SLC25A48: variants seen among roughly 807,000 people sequenced by gnomAD.
SLC25A48 encodes solute carrier family 25 member 48.
A neutral mutation model predicts 32.2 loss-of-function variants in SLC25A48; 29 were observed. The ratio of observed to expected loss-of-function variants is 0.90; its 90% confidence interval spans 0.67 to 1.23. The LOEUF (loss-of-function observed/expected upper bound fraction) is 1.23. SLC25A48 is among the 50% of genes most tolerant of loss of function. SLC25A48 has a pLI of 0.00. For missense variants in SLC25A48, 399 were observed against 422.7 expected, an observed-to-expected ratio of 0.94 and a Z score of 0.49; for synonymous variants, 164 against 172.3, an observed-to-expected ratio of 0.95 and a Z score of 0.38.
intron 7 of SLC25A48, among the ~76,000 whole-genome samples, chr5:135,884,984 C>T (rs1456867213): frequency 1.3e-5 from 2 of 152,128 alleles, no homozygotes; most frequent in African/African-American, 4.8e-5. Flanking sequence ...AACTGAGGCT[C>T]CAACATACCT....
At chr5:135,775,209 A>T (rs1340485727) in intron 3 of SLC25A48, among the ~76,000 whole-genome samples, 1 of 151,830 alleles carries the variant, frequency 6.6e-6, no homozygotes, top group Non-Finnish European at 1.5e-5. Context: ...CCCTCTTGTG[A>T]TATTGTTTCT....
At chr5:135,591,023 C>G (rs953853505) in intron 1 of SLC25A48, among the ~76,000 whole-genome samples, 3 of 152,370 alleles carry the variant, frequency 2.0e-5, no homozygotes, top group South Asian at 2.1e-4. Flanking sequence ...CATCCTGCCT[C>G]TCAGTGCTGC....
intron 3 of SLC25A48, among the ~76,000 whole-genome samples, chr5:135,755,565 G>A (rs187290296): frequency 2.4e-4 from 36 of 151,322 alleles, no homozygotes; most frequent in South Asian, 1.3e-3. Flanking sequence ...ACACTATGGT[G>A]TTAATGAAAT....
chr5:135,629,244 G>T lies in SLC25A48; in HGVS notation c.-841G>T, dbSNP rs1752505544. 1 of 152,092 alleles carries T rather than the reference G, an allele frequency of 6.6e-6. No individual in the cohort carries two copies. Among genetic ancestry groups the T allele is most frequent in the South Asian group, 2.1e-4 (1 of 4,824 alleles). The allele number at this position is 152,092 out of a possible 1,614,324, so 9.4% of individuals were successfully genotyped here. A position where few individuals can be genotyped will look rare whatever the true frequency, so the allele number is the denominator to read the frequency against. ...TTTCTTTTTCTTTTTTAGCAGCCCA[G>T]CTTAAAGAAAGAAAGGAGGAAAAAA... is the stretch of plus-strand genomic sequence containing the variant. On this transcript the variant is annotated 5_prime_UTR_variant, in exon 2 of 11. Transcript: ENST00000646290. This position sits in a 1 kb window ranked among gnomAD's most constrained non-coding sequence, Gnocchi z 4.8.
intron 7 of SLC25A48, among the ~76,000 whole-genome samples, chr5:135,881,077 C>T (rs183436438): frequency 1.1e-4 from 17 of 152,348 alleles, no homozygotes; most frequent in Admixed American, 3.9e-4. Flanking sequence ...GCAGTGTCAT[C>T]GGATGGGTGG....
intron 5 of SLC25A48, 87 bp downstream of exon 5, chr5:135,871,805 G>A (rs1271381547): frequency 6.3e-7 from 1 of 1,580,246 alleles, no homozygotes; most frequent in Non-Finnish European, 8.6e-7. Flanking sequence ...TCTCAGCCCA[G>A]GGGGAGGGCA....
chr5:135,779,801 G>T (rs1756675933), intron 3 of SLC25A48, among the ~76,000 whole-genome samples: 1 of 116,166 alleles, frequency 8.6e-6, no homozygotes, highest in African/African-American at 2.6e-5. Flanking sequence ...GGATAATATT[G>T]ATCTCAATAT....
chr5:135,870,147 C>G (rs1761521707), intron 4 of SLC25A48, among the ~76,000 whole-genome samples: 2 of 152,190 alleles, frequency 1.3e-5, no homozygotes, highest in Admixed American at 1.3e-4. Flanking sequence ...AAGCTGTCTG[C>G]CTGTTTACCA....
chr5:135,847,346 C>T (rs1262584305), intron 2 of SLC25A48, among the ~76,000 whole-genome samples: 1 of 152,074 alleles, frequency 6.6e-6, no homozygotes, highest in Admixed American at 6.5e-5. Context: ...GGAGTAGCAG[C>T]CTCTGGGGTC....
Position 135,841,434 on chromosome 5 carries a change from C to G in SLC25A48, c.47-982C>G, listed in dbSNP as rs1207503494. On this transcript the variant is annotated intron_variant, in intron 1 of 7. Coordinates refer to ENST00000681962, the MANE Select transcript of SLC25A48 (RefSeq NM_001349336.2). Reference sequence around the variant, plus strand: ...TGTGTAGGGGAGTTAGAGATAAACTCCAACCCCCTGTTTAGCTCCTACTGG... The same window carrying G: ...TGTGTAGGGGAGTTAGAGATAAACTGCAACCCCCTGTTTAGCTCCTACTGG... Among the ~76,000 whole-genome samples, 4 of 152,046 alleles carry G rather than the reference C, an allele frequency of 2.6e-5. No homozygotes were observed. The East Asian group carries it at 5.8e-4, about 22-fold the overall frequency.
At chr5:135,811,033 C>A (rs1409264098) in intron 3 of SLC25A48, among the ~76,000 whole-genome samples, 1 of 152,258 alleles carries the variant, frequency 6.6e-6, no homozygotes, top group East Asian at 1.9e-4. Context: ...TAGGGGAACT[C>A]GGGACTTCTT....
intron 3 of SLC25A48, among the ~76,000 whole-genome samples, chr5:135,770,187 C>A (rs1756368789): frequency 6.6e-6 from 1 of 151,662 alleles, no homozygotes; most frequent in Non-Finnish European, 1.5e-5. Flanking sequence ...ATATTATTCC[C>A]AATATCGCAG....
intron 3 of SLC25A48, among the ~76,000 whole-genome samples, chr5:135,764,492 C>T (rs1756152146): frequency 6.6e-6 from 1 of 151,378 alleles, no homozygotes. Flanking sequence ...TCATGATTCT[C>T]CAGCAGGTGA....
chr5:135,688,472 A>G (rs554120926), intron 3 of SLC25A48, among the ~76,000 whole-genome samples: 1 of 152,350 alleles, frequency 6.6e-6, no homozygotes, highest in South Asian at 2.1e-4. Context: ...AAGTTCAGCA[A>G]CACTGAAGAA....
intron 3 of SLC25A48, among the ~76,000 whole-genome samples, chr5:135,676,070 A>G (rs1311144420): frequency 6.6e-6 from 1 of 151,922 alleles, no homozygotes; most frequent in East Asian, 1.9e-4. Context: ...CTGCAACATT[A>G]CTGAATTTAT....
intron 3 of SLC25A48, among the ~76,000 whole-genome samples, chr5:135,749,766 A>G (rs1490583488): frequency 1.3e-5 from 2 of 151,958 alleles, no homozygotes; most frequent in Non-Finnish European, 2.9e-5. Context: ...TAATTTTTGT[A>G]TATTTAGTAG....
chr5:135,807,248 T>TC (rs1405265292), intron 3 of SLC25A48, among the ~76,000 whole-genome samples: 7 of 150,752 alleles, frequency 4.6e-5, no homozygotes, highest in Non-Finnish European at 7.4e-5. Flanking sequence ...TTCATGAATG[T>TC]CATAGTATGT....
At chr5:135,797,084 T>C (rs139737187) in intron 3 of SLC25A48, among the ~76,000 whole-genome samples, 7 of 151,878 alleles carry the variant, frequency 4.6e-5, no homozygotes, top group African/African-American at 1.2e-4. Context: ...TTGTTCCTAA[T>C]ATGCGAAGGG....
chr5:135,834,683 C>A lies in SLC25A48; in HGVS notation c.-165C>A. ...CCGGCACTTGGAGAGGTGAGCGCGGCAGCCCGCGCAGCCGGTGACTGGGGG... is the reference window on the plus strand; with the variant it reads ...CCGGCACTTGGAGAGGTGAGCGCGGAAGCCCGCGCAGCCGGTGACTGGGGG... On this transcript the variant is annotated 5_prime_UTR_variant, in exon 1 of 8. Coordinates refer to ENST00000681962, the MANE Select transcript of SLC25A48 (RefSeq NM_001349336.2). 2 of 721,930 alleles carry A rather than the reference C, an allele frequency of 2.8e-6. No individual in the cohort carries two copies. Among genetic ancestry groups the A allele is most frequent in the Non-Finnish European group, 4.5e-6 (2 of 447,762 alleles). The allele number at this position is 721,930 out of a possible 1,614,324, so 44.7% of individuals were successfully genotyped here.
Sources: allele counts gnomAD v4.1 joint callset (sites outside exome capture counted in the v4.1 genomes callset), GRCh38; gene constraint gnomAD v4.1.1; non-coding constraint Gnocchi (gnomAD v3.1); transcripts MANE v1.5; gene names NCBI Gene and HGNC (gene_info 2026-07-23, HGNC 2026-07-21).